Variants in LINGO2 observed in about 807,000 individuals in gnomAD.
The protein encoded by LINGO2 is leucine rich repeat and Ig domain containing 2, also known as leucine-rich repeat and immunoglobulin-like domain-containing nogo receptor-interacting protein 2.
In LINGO2, 14 loss-of-function variants were observed where a neutral mutation model predicts 30.6. The ratio of observed to expected loss-of-function variants is 0.46; its 90% CI spans 0.30 to 0.72. LINGO2 has a LOEUF of 0.72. LINGO2 is among the 30% of genes least tolerant of loss of function. LINGO2 has a pLI of 0.07. For missense variants in LINGO2, 729 were observed against 751.7 expected (o/e 0.97, Z 0.35); for synonymous variants, 317 against 288.5 (o/e 1.10, Z -1.00).
chr9:29,034,274 C>T, the LINGO2 span, among the ~76,000 whole-genome samples: 1 of 151,972 alleles, frequency 6.6e-6, no homozygotes, highest in Non-Finnish European at 1.5e-5. Flanking sequence ...ATGTTCCATT[C>T]ATTTAAATTT....
intron 1 of LINGO2, among the ~76,000 whole-genome samples, chr9:28,577,493 A>G (rs1025618534): frequency 4.6e-5 from 7 of 152,064 alleles, no homozygotes; most frequent in African/African-American, 1.7e-4. Flanking sequence ...ACTGTCCACA[A>G]CACTATCTTT....
the LINGO2 span, among the ~76,000 whole-genome samples, chr9:29,153,284 ATTT>A: frequency 2.0e-5 from 3 of 151,982 alleles, no homozygotes; most frequent in Non-Finnish European, 4.4e-5. Flanking sequence ...TTGTTTGCTC[ATTT>A]AGCTAGGCCA....
chr9:28,360,411 T>A (rs982954750), intron 3 of LINGO2, among the ~76,000 whole-genome samples: 2 of 152,176 alleles, frequency 1.3e-5, no homozygotes, highest in East Asian at 3.9e-4. Flanking sequence ...AAAAGTACTA[T>A]TTTCCCTTAC....
the LINGO2 span, among the ~76,000 whole-genome samples, chr9:28,775,635 A>G: frequency 6.6e-6 from 1 of 152,158 alleles, no homozygotes; most frequent in African/African-American, 2.4e-5. Context: ...TGTTCAATGA[A>G]CTTACATGAG....
At chr9:28,942,732 G>A in the LINGO2 span, among the ~76,000 whole-genome samples, 1 of 152,076 alleles carries the variant, frequency 6.6e-6, no homozygotes, top group Admixed American at 6.6e-5. Context: ...GTTTTTTTGG[G>A]AGGGTTTCTG....
chr9:28,662,971 T>C (rs2136015732), intron 1 of LINGO2, among the ~76,000 whole-genome samples: 1 of 152,198 alleles, frequency 6.6e-6, no homozygotes, highest in Admixed American at 6.5e-5. Context: ...GTTTCACACA[T>C]CAAGGGTAGA....
intron 4 of LINGO2, among the ~76,000 whole-genome samples, chr9:28,111,732 A>G (rs1408240201): frequency 7.2e-5 from 11 of 152,136 alleles, no homozygotes; most frequent in African/African-American, 2.7e-4. Context: ...TAATTGATCA[A>G]TGAAGTATAG....
chr9:28,000,994 T>C lies in LINGO2; in HGVS notation c.-36+11361A>G, dbSNP rs114943113. 4.9e-3 allele frequency among the ~76,000 whole-genome samples: 753 copies of C among 152,358 alleles called. 6 individuals are homozygous for C. Among genetic ancestry groups the C allele is most frequent in the African/African-American group, 0.017 (718 of 41,580 alleles). The stretch of plus-strand genomic sequence containing the variant: ...ACAATTCCAAATTACTTTTACAAAA[T>C]ATTTTCGACTAATTGATTACTACTT... On this transcript the variant is annotated intron_variant, in intron 5 of 5. Coordinates refer to ENST00000379992, the Ensembl canonical transcript of LINGO2.
At chr9:28,879,249 T>C in the LINGO2 span, among the ~76,000 whole-genome samples, 2 of 146,528 alleles carry the variant, frequency 1.4e-5, no homozygotes, top group Non-Finnish European at 3.0e-5. Flanking sequence ...TTGCTTCTAG[T>C]ATTATTTTTT....
chr9:28,502,853 A>G (rs1819948598), intron 1 of LINGO2, among the ~76,000 whole-genome samples: 1 of 152,076 alleles, frequency 6.6e-6, no homozygotes, highest in Non-Finnish European at 1.5e-5. Flanking sequence ...GTAGCACATT[A>G]TCATTTAAGT....
At chr9:28,044,170 C>T (rs746328043) in intron 4 of LINGO2, among the ~76,000 whole-genome samples, 1 of 152,080 alleles carries the variant, frequency 6.6e-6, no homozygotes, top group Admixed American at 6.6e-5. Context: ...AAAGAATGGC[C>T]TTTGTGAAAT....
intron 4 of LINGO2, among the ~76,000 whole-genome samples, chr9:28,210,193 C>T (rs1161153569): frequency 6.6e-6 from 1 of 151,626 alleles, no homozygotes; most frequent in Non-Finnish European, 1.5e-5. Context: ...GAGGTGGCTA[C>T]AGCTCTAGCC....
At chr9:29,109,797 T>A in the LINGO2 span, among the ~76,000 whole-genome samples, 9 of 152,346 alleles carry the variant, frequency 5.9e-5, no homozygotes, top group Admixed American at 3.3e-4. Flanking sequence ...TGGTGATTTT[T>A]AAAGATGCTT....
intron 4 of LINGO2, among the ~76,000 whole-genome samples, chr9:28,044,822 G>A (rs993012954): frequency 2.0e-5 from 3 of 152,116 alleles, no homozygotes; most frequent in East Asian, 1.9e-4. Context: ...AGACTTTTCC[G>A]TAGGTTGAAG....
chr9:28,725,290 A>T, the LINGO2 span, among the ~76,000 whole-genome samples: 1 of 152,012 alleles, frequency 6.6e-6, no homozygotes, highest in Non-Finnish European at 1.5e-5. Context: ...GAAAACAAGC[A>T]ATCCTAATTT....
chr9:28,879,827 G>A, the LINGO2 span, among the ~76,000 whole-genome samples: 1 of 147,318 alleles, frequency 6.8e-6, no homozygotes. Context: ...AATTGCTACT[G>A]TGGCAATTGA....
At chr9:28,132,289 T>C (rs747620602) in intron 4 of LINGO2, among the ~76,000 whole-genome samples, 33 of 152,342 alleles carry the variant, frequency 2.2e-4, no homozygotes, top group Admixed American at 1.2e-3. Context: ...TGTGTAAGTA[T>C]ATGGGCTATA....
At chr9:28,002,217 A>C (rs1169062070) in intron 5 of LINGO2, among the ~76,000 whole-genome samples, 1 of 152,054 alleles carries the variant, frequency 6.6e-6, no homozygotes, top group Admixed American at 6.6e-5. Flanking sequence ...TCCACCATGA[A>C]CTTACCGTCA....
chr9:28,016,202 G>A (rs1422045224), intron 4 of LINGO2, among the ~76,000 whole-genome samples: 1 of 151,970 alleles, frequency 6.6e-6, no homozygotes, highest in Non-Finnish European at 1.5e-5. Flanking sequence ...GGTTCCAAAT[G>A]GGACCTAAAA....
Sources: gnomAD v4.1 joint callset for allele counts (sites outside exome capture counted in the v4.1 genomes callset) on GRCh38, gnomAD v4.1.1 for gene constraint, MANE v1.5 for transcripts, NCBI Gene and HGNC (gene_info 2026-07-23, HGNC 2026-07-21) for gene names.